MEF2C: variants seen among roughly 807,000 people sequenced by gnomAD.
MEF2C encodes the protein myocyte enhancer factor 2C.
Under a neutral mutation model 50.5 loss-of-function variants are expected in MEF2C, and 6 were observed. That is an observed-to-expected ratio of 0.12 (90% CI 0.07 to 0.23). MEF2C has a LOEUF of 0.23. Ranked by LOEUF, MEF2C falls within the 10% of genes least tolerant of loss-of-function variation. The pLI is 1.00. For synonymous variants in MEF2C, 183 were observed against 228.0 expected, an observed-to-expected ratio of 0.80 and a Z score of 1.78; for missense variants, 276 against 605.0, an observed-to-expected ratio of 0.46 and a Z score of 5.70.
chr5:88,797,856 T>TCACAA (rs1316035797), intron 3 of MEF2C, among the ~76,000 whole-genome samples: 1 of 152,204 alleles, frequency 6.6e-6, no homozygotes, highest in Non-Finnish European at 1.5e-5. Context: ...ACAAAATCTC[T>TCACAA]CAGTATTCGC....
chr5:88,890,416 G>GT (rs1334576511), intron 1 of MEF2C, among the ~76,000 whole-genome samples: 1 of 152,166 alleles, frequency 6.6e-6, no homozygotes, highest in Non-Finnish European at 1.5e-5. Flanking sequence ...GTGTAAAAAC[G>GT]TTTATGTTAT....
intron 3 of MEF2C, among the ~76,000 whole-genome samples, chr5:88,778,865 C>A (rs945107764): frequency 1.3e-5 from 2 of 152,172 alleles, no homozygotes; most frequent in African/African-American, 4.8e-5. Flanking sequence ...TTGCATCTTG[C>A]CAGAAAATCT....
intron 3 of MEF2C, chr5:88,773,057 G>T (rs1258403764): frequency 2.7e-6 from 1 of 373,656 alleles, no homozygotes; most frequent in Non-Finnish European, 3.7e-6. Context: ...CAATACGTAA[G>T]TCACAGCCGC....
At chr5:88,887,081 A>T (rs1164084256), upstream of MEF2C, among the ~76,000 whole-genome samples, 2 of 152,236 alleles carry the variant, frequency 1.3e-5, no homozygotes, top group East Asian at 1.9e-4. Flanking sequence ...CTATAGATTA[A>T]TGTACCCCTT....
At chr5:88,798,496 T>C (rs1027710117) in intron 3 of MEF2C, among the ~76,000 whole-genome samples, 2 of 152,124 alleles carry the variant, frequency 1.3e-5, no homozygotes, top group African/African-American at 4.8e-5. Flanking sequence ...TATCAGGTCA[T>C]TTATGTTCTT....
At chr5:88,815,023 C>A (rs1804697954) in intron 2 of MEF2C, among the ~76,000 whole-genome samples, 1 of 151,976 alleles carries the variant, frequency 6.6e-6, no homozygotes, top group African/African-American at 2.4e-5. Context: ...TGTTAAAGGG[C>A]TAATTTTCAT....
chr5:88,810,794 T>C (rs1009867989), intron 2 of MEF2C, among the ~76,000 whole-genome samples: 3 of 152,090 alleles, frequency 2.0e-5, no homozygotes, highest in African/African-American at 7.2e-5. Context: ...GATGGGTATA[T>C]AGGAAGGCAG....
intron 2 of MEF2C, among the ~76,000 whole-genome samples, chr5:88,813,847 T>C (rs1314284918): frequency 6.6e-6 from 1 of 152,146 alleles, no homozygotes. Flanking sequence ...CAGCTAATTC[T>C]ATTTTCAAAG....
At chr5:88,840,121 T>G (rs1293894287) in intron 1 of MEF2C, among the ~76,000 whole-genome samples, 2 of 152,186 alleles carry the variant, frequency 1.3e-5, no homozygotes, top group African/African-American at 2.4e-5. Context: ...TTCACAAAGA[T>G]TCCACCTCTC....
chr5:88,754,284 C>T lies in MEF2C; in HGVS notation c.403-2241G>A, dbSNP rs140291723. On this transcript the variant is annotated intron_variant, in intron 4 of 10. Coordinates refer to ENST00000504921, the MANE Select transcript of MEF2C (RefSeq NM_002397.5). ...ACCCCATCTCTTTTTGAGTTGTTCT[C>T]TCCTATACACATAGATCTTGCTGTG... 1.9e-3 allele frequency among the ~76,000 whole-genome samples: 290 copies of T among 152,326 alleles called. 1 individual carries two copies. Among genetic ancestry groups the T allele is most frequent in the Admixed American group, 3.3e-3 (50 of 15,302 alleles).
intron 6 of MEF2C, chr5:88,735,308 C>T: frequency 1.0e-6 from 1 of 985,258 alleles, no homozygotes; most frequent in Non-Finnish European, 1.2e-6. Flanking sequence ...TGGGAAACAC[C>T]ACCTCTCAAC....
intron 1 of MEF2C, among the ~76,000 whole-genome samples, chr5:88,846,141 C>A (rs1581506959): frequency 6.6e-6 from 1 of 151,686 alleles, no homozygotes; most frequent in African/African-American, 2.4e-5. Flanking sequence ...AATCTCAGCC[C>A]ACTGCAACCT....
chr5:88,773,008 G>C, intron 3 of MEF2C: 3 of 713,870 alleles, frequency 4.2e-6, no homozygotes, highest in Non-Finnish European at 5.2e-6. Context: ...GAAAAGTGAA[G>C]TATCAGGAGT....
At chr5:88,781,600 T>G (rs998243696) in intron 3 of MEF2C, among the ~76,000 whole-genome samples, 5 of 152,274 alleles carry the variant, frequency 3.3e-5, no homozygotes, top group African/African-American at 9.6e-5. Flanking sequence ...TATATGGATG[T>G]GAAAGTGTAA....
intron 3 of MEF2C, among the ~76,000 whole-genome samples, chr5:88,800,724 G>A (rs957988037): frequency 1.1e-4 from 16 of 152,176 alleles, no homozygotes; most frequent in African/African-American, 3.6e-4. Context: ...ACAAGCTAGC[G>A]TTTTGGGTAA....
chr5:88,861,390 G>T (rs1825450499), intron 1 of MEF2C, among the ~76,000 whole-genome samples: 1 of 152,226 alleles, frequency 6.6e-6, no homozygotes, highest in Non-Finnish European at 1.5e-5. Flanking sequence ...GATCTGAAAT[G>T]AATCATATTA....
At chr5:88,845,186 G>A (rs901997337) in intron 1 of MEF2C, among the ~76,000 whole-genome samples, 4 of 152,122 alleles carry the variant, frequency 2.6e-5, no homozygotes, top group Non-Finnish European at 5.9e-5. Flanking sequence ...AATAACGAAC[G>A]CTTAACTGCA....
intron 1 of MEF2C, among the ~76,000 whole-genome samples, chr5:88,882,712 G>T (rs986852584): frequency 6.6e-6 from 1 of 152,158 alleles, no homozygotes; most frequent in African/African-American, 2.4e-5. Flanking sequence ...GGTGTGACAG[G>T]AACGAGTCAG....
In MEF2C at chr5:88,745,042, T is replaced by C. The variant is rs115882903; in HGVS notation, c.637+4028A>G. 1.7e-3 allele frequency among the ~76,000 whole-genome samples: 264 copies of C among 152,352 alleles called. 1 individual carries two copies. Among genetic ancestry groups the C allele is most frequent in the African/African-American group, 6.1e-3 (252 of 41,584 alleles). ...TTGTGAGTTACAGATCAAGGGTATA[T>C]CTTTTTTTATTGAAAATTACATAAT... On this transcript the variant is annotated intron_variant, in intron 6 of 10. Coordinates refer to ENST00000504921, the MANE Select transcript of MEF2C (RefSeq NM_002397.5).
Sources: gnomAD v4.1 joint callset for allele counts (sites outside exome capture counted in the v4.1 genomes callset) on GRCh38, gnomAD v4.1.1 for gene constraint, MANE v1.5 for transcripts, NCBI Gene and HGNC (gene_info 2026-07-23, HGNC 2026-07-21) for gene names.